ATAD2B: variants seen among roughly 807,000 people sequenced by gnomAD.
ATAD2B encodes ATPase family AAA domain containing 2B.
Under a neutral mutation model 167.6 loss-of-function variants are expected in ATAD2B, and 40 were observed. That is an observed-to-expected ratio of 0.24 (90% CI 0.19 to 0.31). The LOEUF (loss-of-function observed/expected upper bound fraction) is 0.31. Ranked by LOEUF, ATAD2B falls within the 10% of genes least tolerant of loss-of-function variation. ATAD2B has a pLI of 1.00. For synonymous variants in ATAD2B, 579 were observed against 596.5 expected, an observed-to-expected ratio of 0.97 and a Z score of 0.43; for missense variants, 1,242 against 1,757.2, an observed-to-expected ratio of 0.71 and a Z score of 5.24.
intron 6 of ATAD2B, among the ~76,000 whole-genome samples, chr2:23,881,872 T>C (rs548883434): frequency 1.3e-5 from 2 of 152,108 alleles, no homozygotes; most frequent in African/African-American, 4.8e-5. Flanking sequence ...TACAAGCATG[T>C]ATCACCATGC....
intron 1 of ATAD2B, among the ~76,000 whole-genome samples, chr2:23,915,410 TTC>T (rs1034316242): frequency 1.3e-5 from 2 of 151,204 alleles, no homozygotes; most frequent in Non-Finnish European, 2.9e-5. Flanking sequence ...TTAACCACTG[TTC>T]TCTGTAACCC....
chr2:23,910,741 G>A (rs566312292), intron 1 of ATAD2B, among the ~76,000 whole-genome samples: 10 of 151,752 alleles, frequency 6.6e-5, no homozygotes, highest in Non-Finnish European at 7.4e-5. Flanking sequence ...GGGGGAGCAC[G>A]CCTGTAGTTC....
At chr2:23,735,884 T>C in the ATAD2B span, among the ~76,000 whole-genome samples, 4 of 152,216 alleles carry the variant, frequency 2.6e-5, no homozygotes, top group African/African-American at 9.6e-5. Flanking sequence ...GGACCATCTG[T>C]GCAAAATCTT....
intron 1 of ATAD2B, among the ~76,000 whole-genome samples, chr2:23,904,544 T>TC (rs1355079891): frequency 6.6e-6 from 1 of 150,402 alleles, no homozygotes; most frequent in East Asian, 1.9e-4. Context: ...TTCCTTTTTT[T>TC]TTTTTTTTTT....
rs761480118 is a variant in ATAD2B, at chr2:23,888,378, A to G, written c.390T>C (p.Ala130=). 1 of 1,593,804 alleles carries G rather than the reference A, an allele frequency of 6.3e-7. No individual in the cohort carries two copies. Among genetic ancestry groups the G allele is most frequent in the Admixed American group, 1.8e-5 (1 of 55,496 alleles). ...AGCCACTATGTCCATTTGGTAATGT[A>G]GCACCAGGCTGAGAAGTTAACCTAG... ...GQARLTSQPG[A]TLPNGHSGLS... is the part of the protein sequence containing the mutation. The change falls in exon 3 of 28, where the codon GCT becomes GCC. Residue 130 remains alanine, a synonymous_variant. Coordinates refer to ENST00000238789, the MANE Select transcript of ATAD2B (RefSeq NM_017552.4).
chr2:23,885,781 C>T lies in ATAD2B; in HGVS notation c.621G>A (p.Arg207=), dbSNP rs1404348243. 1 of 1,597,928 alleles carries T rather than the reference C, an allele frequency of 6.3e-7. No homozygotes were observed. The highest frequency in any genetic ancestry group is 1.1e-5 in the South Asian group (1 of 88,282). The change falls in exon 5 of 28, where the codon CGG becomes CGA. Residue 207 remains arginine (R), a synonymous_variant. Transcript: ENST00000238789. ...GTTCTACTTCTCCTGATCGACGATT[C>T]CGTCGGATGTTAATGTTGTCCATTT... is the stretch of plus-strand genomic sequence containing the variant. ...LQEMDNINIR[R]NRRSGEVERL... is the part of the protein sequence containing the mutation.
At chr2:23,914,684 C>CA (rs369920549) in intron 1 of ATAD2B, among the ~76,000 whole-genome samples, 15,553 of 151,084 alleles carry the variant, frequency 0.1, 917 homozygotes, top group Middle Eastern at 0.17. Context: ...CTAAAAATAC[C>CA]AAAAAAAATT....
intron 18 of ATAD2B, among the ~76,000 whole-genome samples, chr2:23,800,831 T>G (rs182422976): frequency 1.2e-3 from 176 of 152,100 alleles, no homozygotes; most frequent in African/African-American, 3.9e-3. Context: ...AAAAAAAAAT[T>G]TATATTTGAA....
chr2:23,687,062 C>T, the ATAD2B span, among the ~76,000 whole-genome samples: 3 of 152,152 alleles, frequency 2.0e-5, no homozygotes, highest in African/African-American at 2.4e-5. Flanking sequence ...CCTTGGCATC[C>T]GTGACCCTGG....
chr2:23,844,375 A>G (rs1341283202), intron 13 of ATAD2B, among the ~76,000 whole-genome samples: 1 of 152,202 alleles, frequency 6.6e-6, no homozygotes, highest in African/African-American at 2.4e-5. Flanking sequence ...CTAGCACTCA[A>G]CAAGGTAAAA....
At chr2:23,684,909 C>CCCCCA in the ATAD2B span, among the ~76,000 whole-genome samples, 1 of 152,186 alleles carries the variant, frequency 6.6e-6, no homozygotes, top group South Asian at 2.1e-4. This position sits in a 1 kb window ranked among gnomAD's most constrained non-coding sequence, Gnocchi z 4.4. Context: ...CTACACACTG[C>CCCCCA]CCCCACCGGG....
chr2:23,924,181 C>T (rs1257641315), intron 1 of ATAD2B, among the ~76,000 whole-genome samples: 1 of 147,926 alleles, frequency 6.8e-6, no homozygotes, highest in Non-Finnish European at 1.5e-5. Flanking sequence ...GACTCCGTCT[C>T]AAAAAAAAAC....
At chr2:23,858,429 C>T (rs893696274) in intron 12 of ATAD2B, among the ~76,000 whole-genome samples, 1 of 150,882 alleles carries the variant, frequency 6.6e-6, no homozygotes, top group African/African-American at 2.4e-5. Flanking sequence ...CCTACACATT[C>T]TTTTTATATA....
the ATAD2B span, among the ~76,000 whole-genome samples, chr2:23,701,979 A>AT: frequency 4.3e-3 from 625 of 144,640 alleles, 6 homozygotes; most frequent in South Asian, 0.036. Context: ...TGCCCAGCTA[A>AT]TTTTTTTTTT....
intron 13 of ATAD2B, among the ~76,000 whole-genome samples, chr2:23,841,041 G>C (rs762298799): frequency 1.3e-4 from 20 of 151,918 alleles, no homozygotes; most frequent in Admixed American, 3.3e-4. Context: ...TGAGTAGGCA[G>C]GGCTACTGAT....
At chr2:23,802,662 T>C (rs1199634007) in intron 18 of ATAD2B, among the ~76,000 whole-genome samples, 1 of 149,402 alleles carries the variant, frequency 6.7e-6, no homozygotes, top group Admixed American at 6.7e-5. Flanking sequence ...TTAAGAAGTG[T>C]TGCTATGGAA....
At position 23,770,012 on chromosome 2, in the gene ATAD2B, A is replaced by C. The variant is rs535700912; in HGVS notation, c.3134-4384T>G. ...CTGTGGTCTTAATTTGCATTTCACT[A>C]AAGATTAATGAGGTTGACCGGACAC... On this transcript the variant is annotated intron_variant, in intron 22 of 27. Transcript: ENST00000238789. Among the ~76,000 whole-genome samples the C allele has an allele frequency of 2.0e-5, 3 of 151,762 alleles. No homozygotes were observed. The East Asian group carries it at 5.9e-4, about 30-fold the overall frequency.
At chr2:23,923,889 G>C (rs1704312846) in intron 1 of ATAD2B, among the ~76,000 whole-genome samples, 1 of 152,192 alleles carries the variant, frequency 6.6e-6, no homozygotes, top group African/African-American at 2.4e-5. Context: ...AGTTAGTTAA[G>C]AACATGGCAC....
the ATAD2B span, among the ~76,000 whole-genome samples, chr2:23,737,689 C>A: frequency 6.6e-6 from 1 of 152,292 alleles, no homozygotes; most frequent in Non-Finnish European, 1.5e-5. Flanking sequence ...CGGAACAAAG[C>A]TGGACGCAGA....
Sources: gnomAD v4.1 joint callset for allele counts (sites outside exome capture counted in the v4.1 genomes callset) on GRCh38, gnomAD v4.1.1 for gene constraint, Gnocchi (gnomAD v3.1) non-coding constraint, MANE v1.5 for transcripts, NCBI Gene and HGNC (gene_info 2026-07-23, HGNC 2026-07-21) for gene names.